The following ZNF341 variants were observed in gnomAD, a reference collection of about 807,000 sequenced individuals.
The protein encoded by ZNF341 is zinc finger protein 341.
ZNF341 carries 52 observed loss-of-function variants against 87.7 expected under a neutral mutation model. That is an observed-to-expected ratio of 0.59 (90% CI 0.47 to 0.75). The LOEUF (loss-of-function observed/expected upper bound fraction) is 0.75, where lower values mean the gene tolerates loss of function less well. Among genes scored for constraint, ZNF341 ranks in the 30% least tolerant of loss-of-function variants. The pLI is 0.00. For synonymous variants in ZNF341, 459 were observed against 472.7 expected (o/e 0.97, Z 0.38); for missense variants, 977 against 1,145.9 (o/e 0.85, Z 2.13).
At chr20:33,746,922 A>G (rs1398756691) in intron 3 of ZNF341, among the ~76,000 whole-genome samples, 3 of 152,160 alleles carry the variant, frequency 2.0e-5, no homozygotes, top group Non-Finnish European at 4.4e-5. Context: ...TCAGGAGTTC[A>G]GCTGGGCACG....
intron 1 of ZNF341, among the ~76,000 whole-genome samples, chr20:33,735,050 T>G (rs1439442983): frequency 6.6e-6 from 1 of 152,014 alleles, no homozygotes; most frequent in African/African-American, 2.4e-5. Flanking sequence ...TTTATTTTTT[T>G]GTGACACTCT....
intron 5 of ZNF341, 86 bp from the exon 6 acceptor site, chr20:33,757,062 A>G: frequency 1.7e-6 from 2 of 1,185,950 alleles, no homozygotes; most frequent in Non-Finnish European, 2.3e-6. Context: ...GCTGAGGTCA[A>G]TCAGGGAGGC....
At chr20:33,741,773 G>T (rs958011692) in intron 2 of ZNF341, among the ~76,000 whole-genome samples, 2 of 152,172 alleles carry the variant, frequency 1.3e-5, no homozygotes, top group Non-Finnish European at 2.9e-5. Context: ...AAACATTTTT[G>T]TGTACTTGGG....
At chr20:33,783,449 G>T (rs956081381) in intron 11 of ZNF341, among the ~76,000 whole-genome samples, 3 of 152,176 alleles carry the variant, frequency 2.0e-5, no homozygotes, top group African/African-American at 4.8e-5. Context: ...TGACGCCCGA[G>T]TTGGGTCTTG....
At chr20:33,765,154 G>A (rs986535960) in intron 8 of ZNF341, among the ~76,000 whole-genome samples, 2 of 152,014 alleles carry the variant, frequency 1.3e-5, no homozygotes, top group African/African-American at 4.8e-5. Context: ...CAGTAGCCAC[G>A]TGTGGCTCAG....
chr20:33,781,460 T>C, intron 11 of ZNF341, 73 bp downstream of exon 11: 12 of 1,330,022 alleles, frequency 9.0e-6, no homozygotes, highest in Non-Finnish European at 1.2e-5. Context: ...GGTGCACACC[T>C]CACCCTTTCC....
chr20:33,762,319 CT>C (rs879821260), intron 8 of ZNF341, among the ~76,000 whole-genome samples: 500 of 143,570 alleles, frequency 3.5e-3, no homozygotes, highest in Middle Eastern at 3.6e-3. Flanking sequence ...ACCTCAGAAT[CT>C]TTTTTTTTTT....
intron 4 of ZNF341, chr20:33,752,493 G>T: frequency 1.9e-6 from 1 of 512,942 alleles, no homozygotes; most frequent in South Asian, 1.7e-5. Context: ...CCACCTCATT[G>T]ATGGCCGAAT....
chr20:33,765,439 C>CAT (rs2019384210), intron 8 of ZNF341, among the ~76,000 whole-genome samples: 1 of 150,802 alleles, frequency 6.6e-6, no homozygotes, highest in Admixed American at 6.6e-5. Flanking sequence ...AGTGCAATGG[C>CAT]ATGATGGTGG....
rs571932361 is a variant in ZNF341 at position 33,764,047 on chromosome 20, C to T, written c.1222+1992C>T. ...TTTTTTTTTTTTTTTTTTTCTGAGACGGAGTCTCACTCTGTTGCCCAGGCT... is the reference window on the plus strand; with the variant it reads ...TTTTTTTTTTTTTTTTTTTCTGAGATGGAGTCTCACTCTGTTGCCCAGGCT... On this transcript the variant is annotated intron_variant, in intron 8 of 14. Coordinates refer to ENST00000375200, the MANE Select transcript of ZNF341 (RefSeq NM_001282933.2). Among the ~76,000 whole-genome samples the T allele has an allele frequency of 1.2e-4, 16 of 138,606 alleles. No individual in the cohort carries two copies. The South Asian group carries it at 3.5e-3, about 30-fold the overall frequency. The allele number at this position is 138,606 out of a possible 152,430, so 90.9% of individuals were successfully genotyped here.
rs1320849914 is a variant in ZNF341, at chr20:33,757,274, G to A, written c.868G>A (p.Val290Met). Residue 290 changes from valine (V) to methionine (M), a missense_variant, in exon 6 of 15, where the codon GTG becomes ATG. By Grantham distance (21) the Val-to-Met change is conservative (BLOSUM62 1). Around this residue, in one of 3 missense-constraint regions of ZNF341, gnomAD observed 515 missense variants for 598.2 expected, o/e 0.86. Coordinates refer to ENST00000375200, the MANE Select transcript of ZNF341 (RefSeq NM_001282933.2). ...APMTSATGGT[V>M]ATFDSPATLK... Reference sequence around the variant, plus strand: ...CATGACCAGCGCCACCGGGGGCACGGTGGCCACCTTTGACTCTCCAGCAAC... The same window carrying A: ...CATGACCAGCGCCACCGGGGGCACGATGGCCACCTTTGACTCTCCAGCAAC... 1.9e-6 allele frequency: 3 copies of A among 1,605,688 alleles called. No individual in the cohort carries two copies. The South Asian group carries it at 3.3e-5, about 18-fold the overall frequency.
At chr20:33,755,869 C>T (rs1358232239) in intron 5 of ZNF341, among the ~76,000 whole-genome samples, 5 of 152,000 alleles carry the variant, frequency 3.3e-5, no homozygotes, top group South Asian at 2.1e-4. Flanking sequence ...GCTGGAATTA[C>T]AGGCATGAGC....
At chr20:33,789,040 A>C in intron 13 of ZNF341, 66 bp downstream of exon 13, 1 of 852,010 alleles carries the variant, frequency 1.2e-6, no homozygotes, top group Non-Finnish European at 1.9e-6. Flanking sequence ...GCTGCTGGGG[A>C]GGGTGGGACA....
chr20:33,741,267 G>A (rs1025389257), intron 2 of ZNF341, among the ~76,000 whole-genome samples: 1 of 152,184 alleles, frequency 6.6e-6, no homozygotes, highest in Non-Finnish European at 1.5e-5. Flanking sequence ...ATGGCTAAGG[G>A]CCCCAATGCC....
At chr20:33,734,238 C>T (rs1476774727) in intron 1 of ZNF341, among the ~76,000 whole-genome samples, 2 of 152,164 alleles carry the variant, frequency 1.3e-5, no homozygotes, top group Admixed American at 1.3e-4. Flanking sequence ...TTCACAGAAG[C>T]TGGGTGTGGG....
Position 33,753,366 on chromosome 20 carries a change from TG to T in ZNF341, c.687del (p.Ser230ValfsTer17). 6.2e-7 allele frequency: 1 copy of T among 1,608,904 alleles called. No individual in the cohort carries two copies. Among genetic ancestry groups the T allele is most frequent in the Non-Finnish European group, 8.5e-7 (1 of 1,177,762 alleles). On this transcript the variant is annotated frameshift_variant, in exon 5 of 15. Coordinates refer to ENST00000375200, the MANE Select transcript of ZNF341 (RefSeq NM_001282933.2). LOFTEE classifies it high-confidence loss of function. ...EVYSAAAPLA[G>X]SGTVEIQALG... is the part of the protein sequence containing the mutation. ...TGTACAGTGCTGCTGCGCCCCTGGCTGGGAGTGGAACGGTGGAGATCCAGGC... is the reference window on the plus strand; with the variant it reads ...TGTACAGTGCTGCTGCGCCCCTGGCTGGAGTGGAACGGTGGAGATCCAGGC...
intron 2 of ZNF341, among the ~76,000 whole-genome samples, chr20:33,742,749 G>A (rs2018829704): frequency 6.6e-6 from 1 of 152,146 alleles, no homozygotes; most frequent in South Asian, 2.1e-4. Flanking sequence ...GCAGGCATGA[G>A]CCACAGTGCC....
chr20:33,767,190 G>T, intron 9 of ZNF341, 149 bp downstream of exon 9: 1 of 989,352 alleles, frequency 1.0e-6, no homozygotes. Context: ...TTCCGAGCAG[G>T]GGATTGATGA....
At chr20:33,754,650 GGGACCAGCCCAGAGA>G (rs2019137305) in intron 5 of ZNF341, among the ~76,000 whole-genome samples, 1 of 152,178 alleles carries the variant, frequency 6.6e-6, no homozygotes, top group South Asian at 2.1e-4. Flanking sequence ...GTAGTCAGAG[GGGACCAGCCCAGAGA>G]GGACCAGCAC....
Sources: gnomAD v4.1 joint callset for allele counts (sites outside exome capture counted in the v4.1 genomes callset) on GRCh38, gnomAD v4.1.1 for gene constraint, gnomAD v4.1.1 regional missense constraint, MANE v1.5 for transcripts, NCBI Gene and HGNC (gene_info 2026-07-23, HGNC 2026-07-21) for gene names.